Variants in FAM47E observed in about 807,000 individuals in gnomAD.
The protein encoded by FAM47E is protein FAM47E.
Under a neutral mutation model 41.6 loss-of-function variants are expected in FAM47E, and 32 were observed. The ratio of observed to expected loss-of-function variants is 0.77; its 90% CI spans 0.58 to 1.03. The LOEUF is 1.03. Ranked by LOEUF, FAM47E falls within the 50% of genes least tolerant of loss-of-function variation. The pLI is 0.00. For synonymous variants in FAM47E, 184 were observed against 188.7 expected, an observed-to-expected ratio of 0.98 and a Z score of 0.20; for missense variants, 424 against 485.4, an observed-to-expected ratio of 0.87 and a Z score of 1.19.
At position 76,244,718 on chromosome 4, in the gene FAM47E, T is replaced by A. The variant is rs192631681; in HGVS notation, c.82-18986T>A. ...ACTGTGCCCAGCTAATTTTTGTATT[T>A]TAGTAGAGACGGGGTTTCACCATCT... On this transcript the variant is annotated intron_variant, in intron 2 of 7. Coordinates refer to the FAM47E transcript ENST00000510197. 3.2e-3 allele frequency among the ~76,000 whole-genome samples: 487 copies of A among 151,972 alleles called. 2 individuals are homozygous for A. Among genetic ancestry groups the A allele is most frequent in the African/African-American group, 0.011 (457 of 41,434 alleles).
upstream of FAM47E, among the ~76,000 whole-genome samples, chr4:76,247,510 CA>C (rs534080930): frequency 4.5e-4 from 69 of 152,254 alleles, 1 homozygote; most frequent in African/African-American, 1.4e-3. Flanking sequence ...TGAGGACTGC[CA>C]AACTATTTTC....
chr4:76,216,335 T>C (rs1258218266), intron 1 of FAM47E, among the ~76,000 whole-genome samples: 1 of 152,164 alleles, frequency 6.6e-6, no homozygotes, highest in East Asian at 1.9e-4. Flanking sequence ...ATTTGGTAAC[T>C]TGCCTGCCTA....
intron 1 of FAM47E, among the ~76,000 whole-genome samples, chr4:76,254,268 T>TA (rs1413507709): frequency 6.6e-6 from 1 of 152,202 alleles, no homozygotes; most frequent in African/African-American, 2.4e-5. Flanking sequence ...TGGCTGTACT[T>TA]AAACAAAAAT....
At chr4:76,219,687 G>A (rs557347962) in intron 2 of FAM47E, among the ~76,000 whole-genome samples, 1 of 152,224 alleles carries the variant, frequency 6.6e-6, no homozygotes, top group African/African-American at 2.4e-5. Flanking sequence ...AGCCTGGAGT[G>A]GTGGGGAGAA....
rs1190643724 is a variant in FAM47E, at chr4:76,251,796, G to A, written c.50G>A (p.Arg17His). 13 of 1,490,248 alleles carry A rather than the reference G, an allele frequency of 8.7e-6. No homozygotes were observed. Among genetic ancestry groups the A allele is most frequent in the Non-Finnish European group, 1.2e-5 (13 of 1,126,696 alleles). The allele number at this position is 1,490,248 out of a possible 1,614,324, so 92.3% of individuals were successfully genotyped here. Residue 17 changes from arginine (R) to histidine (H), a missense_variant, in exon 1 of 8, where the codon CGC becomes CAC. Physicochemically the swap from Arg to His is conservative, Grantham distance 29. Transcript: ENST00000424749. ...RLRPGTLAPV[R>H]EGVNCRSRCF... The stretch of plus-strand genomic sequence containing the variant: ...CGGCCGGGGACGTTGGCCCCGGTGC[G>A]CGAGGGCGTGAACTGCAGGTCCAGG...
intron 2 of FAM47E, among the ~76,000 whole-genome samples, chr4:76,239,715 A>C (rs1733667118): frequency 6.6e-6 from 1 of 152,108 alleles, no homozygotes; most frequent in Admixed American, 6.6e-5. Context: ...TTGATGCACA[A>C]AATTTTAAAA....
intron 5 of FAM47E, among the ~76,000 whole-genome samples, chr4:76,277,320 TA>T (rs569749793): frequency 1.2e-3 from 179 of 151,780 alleles, no homozygotes; most frequent in South Asian, 2.3e-3. Context: ...CCGTCTCTAC[TA>T]AAAAATACAA....
At chr4:76,272,620 A>G (rs544270215) in intron 5 of FAM47E, among the ~76,000 whole-genome samples, 1 of 152,174 alleles carries the variant, frequency 6.6e-6, no homozygotes, top group African/African-American at 2.4e-5. Context: ...TTCATCATGA[A>G]TATCAGCACT....
At chr4:76,255,645 G>C (rs901169231) in intron 1 of FAM47E, among the ~76,000 whole-genome samples, 2 of 152,166 alleles carry the variant, frequency 1.3e-5, no homozygotes, top group Non-Finnish European at 2.9e-5. Context: ...TTAGTGAAGA[G>C]AGAGAGTCCT....
chr4:76,276,037 G>GACAGACACACACACACACAC lies in FAM47E; in HGVS notation c.871-2029_871-2028insGACACACACACACACACACA, dbSNP rs1553957135. ...GGACAGACAGACAGACAGACAGACA[G>GACAGACACACACACACACAC]ACACACACACACACACACACACACA... On this transcript the variant is annotated intron_variant, in intron 5 of 7. Transcript: ENST00000424749. Among the ~76,000 whole-genome samples the GACAGACACACACACACACAC allele has an allele frequency of 7.7e-4, 48 of 62,390 alleles. 1 individual carries two copies. The highest frequency in any genetic ancestry group is 2.9e-3 in the African/African-American group (45 of 15,450). The allele number at this position is 62,390 out of a possible 152,430, so 40.9% of individuals were successfully genotyped here. A position where few individuals can be genotyped will look rare whatever the true frequency, so the allele number is the denominator to read the frequency against.
chr4:76,227,215 T>C (rs1373846382), intron 2 of FAM47E, among the ~76,000 whole-genome samples: 1 of 152,220 alleles, frequency 6.6e-6, no homozygotes, highest in Non-Finnish European at 1.5e-5. Context: ...GAGGGTTTGA[T>C]AAGTTGTGTC....
At chr4:76,223,166 A>G (rs1480680871) in intron 2 of FAM47E, among the ~76,000 whole-genome samples, 4 of 152,242 alleles carry the variant, frequency 2.6e-5, no homozygotes, top group Admixed American at 1.3e-4. Flanking sequence ...ACAGTCCTCC[A>G]GGTGTTAATG....
chr4:76,283,152 T>C (rs115961656), intron 7 of FAM47E: 529 of 357,466 alleles, frequency 1.5e-3, no homozygotes, highest in African/African-American at 0.01. Flanking sequence ...GGGCCAGACT[T>C]GGGCACAGAA....
At position 76,283,545 on chromosome 4, in the gene FAM47E, A is replaced by G. The variant is rs1441980056; in HGVS notation, c.*87A>G. 1.2e-6 allele frequency: 1 copy of G among 806,466 alleles called. No individual in the cohort carries two copies. The highest frequency in any genetic ancestry group is 1.7e-5 in the African/African-American group (1 of 58,144). The allele number at this position is 806,466 out of a possible 1,614,324, so 50.0% of individuals were successfully genotyped here. A position where few individuals can be genotyped will look rare whatever the true frequency, so the allele number is the denominator to read the frequency against. ...TCCTTTTAAAGATTAAACAGAGTTT[A>G]TGATGAGTGTCCCACTGTGGATGTT... is the stretch of plus-strand genomic sequence containing the variant. On this transcript the variant is annotated 3_prime_UTR_variant, in exon 8 of 8. Transcript: ENST00000424749.
chr4:76,241,704 G>C (rs1359079736), intron 2 of FAM47E, among the ~76,000 whole-genome samples: 1 of 152,158 alleles, frequency 6.6e-6, no homozygotes, highest in Non-Finnish European at 1.5e-5. Flanking sequence ...CAGTTGTTTA[G>C]GTGGGAAGTC....
chr4:76,267,091 G>A (rs4859652), intron 3 of FAM47E, among the ~76,000 whole-genome samples: 89,911 of 151,784 alleles, frequency 0.59, 26,885 homozygotes, highest in Middle Eastern at 0.66. Context: ...TTTACTATCT[G>A]TCTCTCCTAT....
chr4:76,231,577 G>C (rs1373837100), intron 2 of FAM47E, among the ~76,000 whole-genome samples: 1 of 152,154 alleles, frequency 6.6e-6, no homozygotes, highest in East Asian at 1.9e-4. Context: ...TTGCAAAATA[G>C]ACTTTACATT....
intron 1 of FAM47E, among the ~76,000 whole-genome samples, chr4:76,214,810 C>A (rs1005522160): frequency 6.6e-6 from 1 of 152,214 alleles, no homozygotes; most frequent in African/African-American, 2.4e-5. Flanking sequence ...TTGTCCCAGT[C>A]CTCCAGAAAC....
intron 1 of FAM47E, among the ~76,000 whole-genome samples, chr4:76,254,830 C>T (rs1375171370): frequency 2.0e-5 from 3 of 152,132 alleles, no homozygotes; most frequent in Non-Finnish European, 2.9e-5. Flanking sequence ...CTTTGGTGTT[C>T]GCTGGTTGTG....
Sources: gnomAD v4.1 joint callset for allele counts (sites outside exome capture counted in the v4.1 genomes callset) on GRCh38, gnomAD v4.1.1 for gene constraint, MANE v1.5 for transcripts, NCBI Gene and HGNC (gene_info 2026-07-23, HGNC 2026-07-21) for gene names.